DNAAF9: variants seen among roughly 807,000 people sequenced by gnomAD.
DNAAF9 encodes dynein axonemal assembly factor 9, also known as shulin.
DNAAF9 carries 90 observed loss-of-function variants against 167.0 expected under a neutral mutation model. The observed-to-expected ratio is 0.54, with a 90% CI of 0.45 to 0.64. The LOEUF (loss-of-function observed/expected upper bound fraction) is 0.64, where lower values mean the gene tolerates loss of function less well. Among genes scored for constraint, DNAAF9 ranks in the 30% least tolerant of loss-of-function variants. The pLI is 0.00. For synonymous variants in DNAAF9, 491 were observed against 508.8 expected (o/e 0.96, Z 0.47); for missense variants, 1,315 against 1,442.2 (o/e 0.91, Z 1.43).
At chr20:3,310,388 A>AGAAT (rs1555790642) in intron 20 of DNAAF9, among the ~76,000 whole-genome samples, 56 of 151,224 alleles carry the variant, frequency 3.7e-4, no homozygotes, top group African/African-American at 1.0e-3. Flanking sequence ...AAAGAAAGAA[A>AGAAT]GAATTCCTAA....
intron 6 of DNAAF9, among the ~76,000 whole-genome samples, chr20:3,372,844 A>C (rs2083529224): frequency 6.6e-6 from 1 of 152,214 alleles, no homozygotes; most frequent in Non-Finnish European, 1.5e-5. Flanking sequence ...AATTCACATA[A>C]AGTGCTTAGA....
At chr20:3,381,308 C>T in intron 3 of DNAAF9, 71 bp downstream of exon 3, 1 of 1,239,730 alleles carries the variant, frequency 8.1e-7, no homozygotes, top group South Asian at 1.6e-5. Context: ...ATAAGAAGAC[C>T]ATAAAATAAG....
intron 25 of DNAAF9, among the ~76,000 whole-genome samples, chr20:3,290,980 G>A (rs1393358359): frequency 6.6e-6 from 1 of 152,034 alleles, no homozygotes; most frequent in African/African-American, 2.4e-5. Flanking sequence ...GTAGACACGG[G>A]GTTTCACCAT....
intron 33 of DNAAF9, among the ~76,000 whole-genome samples, chr20:3,256,444 C>G (rs1474922674): frequency 1.3e-5 from 2 of 152,108 alleles, no homozygotes; most frequent in Non-Finnish European, 2.9e-5. Context: ...CCCAGGAATT[C>G]AAGGCTGCAG....
intron 1 of DNAAF9, among the ~76,000 whole-genome samples, chr20:3,400,813 T>A (rs971459726): frequency 6.6e-5 from 10 of 151,966 alleles, no homozygotes; most frequent in Admixed American, 5.9e-4. Flanking sequence ...TAAATAAGAG[T>A]CCTCAGTATA....
intron 8 of DNAAF9, among the ~76,000 whole-genome samples, chr20:3,344,638 C>A (rs1027664573): frequency 1.5e-5 from 2 of 132,794 alleles, no homozygotes; most frequent in Non-Finnish European, 3.2e-5. Flanking sequence ...CACACACACA[C>A]ACCTCATGTA....
Position 3,252,497 on chromosome 20 carries a change from A to G in DNAAF9, c.*75T>C. 1 of 832,924 alleles carries G rather than the reference A, an allele frequency of 1.2e-6. No homozygotes were observed. The highest frequency in any genetic ancestry group is 2.1e-6 in the Non-Finnish European group (1 of 476,350). The allele number at this position is 832,924 out of a possible 1,614,324, so 51.6% of individuals were successfully genotyped here. A position where few individuals can be genotyped will look rare whatever the true frequency, so the allele number is the denominator to read the frequency against. On this transcript the variant is annotated 3_prime_UTR_variant, in exon 37 of 37. Coordinates refer to ENST00000252032, the MANE Select transcript of DNAAF9 (RefSeq NM_001009984.3). ...GCCCCTTAAGGGAGAGGCCTCCAGC[A>G]GAGCTGAGGTTAAGACACCCGTTCG...
At chr20:3,336,000 G>A (rs2069933685) in intron 10 of DNAAF9, among the ~76,000 whole-genome samples, 2 of 152,010 alleles carry the variant, frequency 1.3e-5, no homozygotes, top group African/African-American at 4.8e-5. Flanking sequence ...GTGCGCACTT[G>A]TAGTCCCAGC....
chr20:3,264,305 GTGC>G (rs1305948088), intron 31 of DNAAF9, 130 bp downstream of exon 31: 16 of 619,414 alleles, frequency 2.6e-5, no homozygotes, highest in Non-Finnish European at 4.7e-5. Flanking sequence ...CAGGCAGGCC[GTGC>G]CAGCTGCCAT....
intron 21 of DNAAF9, 95 bp downstream of exon 21, chr20:3,304,345 T>C (rs2122985986): frequency 1.4e-6 from 1 of 732,960 alleles, no homozygotes; most frequent in Non-Finnish European, 2.5e-6. Context: ...TACTGCCCTG[T>C]GGTAGTGGAG....
chr20:3,374,216 T>C, intron 5 of DNAAF9, 62 bp from the exon 6 acceptor site: 1 of 1,127,262 alleles, frequency 8.9e-7, no homozygotes, highest in Non-Finnish European at 1.3e-6. Flanking sequence ...AGTCTAAACC[T>C]GACCTAACAT....
chr20:3,315,080 TCTC>T lies in DNAAF9; in HGVS notation c.1628_1630del (p.Gly543del), dbSNP rs1568599283. On this transcript the variant is annotated inframe_deletion, in exon 20 of 37. Transcript: ENST00000252032. The surrounding 1 kb of genome is among the most constrained non-coding windows in gnomAD (Gnocchi z 4.1). ...ATTGCTGGAATAAAGATATGCTCCTTCTCCTCCTGTTAGATAAGTGCCCAGGAA... is the reference window on the plus strand; with the variant it reads ...ATTGCTGGAATAAAGATATGCTCCTTCTCCTGTTAGATAAGTGCCCAGGAA... 6.2e-7 allele frequency: 1 copy of T among 1,611,890 alleles called. No individual in the cohort carries two copies. The highest frequency in any genetic ancestry group is 8.5e-7 in the Non-Finnish European group (1 of 1,177,990).
Position 3,251,171 on chromosome 20 carries a change from G to A in DNAAF9, c.*1401C>T, listed in dbSNP as rs966661631. ...TTTTTTTTTTCTAATATATTTTACT[G>A]ACAAGCCCTTGAGAGCTGCTTTGCT... is the stretch of plus-strand genomic sequence containing the variant. On this transcript the variant is annotated 3_prime_UTR_variant, in exon 37 of 37. Coordinates refer to ENST00000252032, the MANE Select transcript of DNAAF9 (RefSeq NM_001009984.3). 7.0e-6 allele frequency: 1 copy of A among 143,462 alleles called. No individual in the cohort carries two copies. Among genetic ancestry groups the A allele is most frequent in the African/African-American group, 2.6e-5 (1 of 38,396 alleles). The allele number at this position is 143,462 out of a possible 1,614,324, so 8.9% of individuals were successfully genotyped here.
chr20:3,392,380 A>T (rs2083839040), intron 1 of DNAAF9, among the ~76,000 whole-genome samples: 1 of 152,212 alleles, frequency 6.6e-6, no homozygotes, highest in Non-Finnish European at 1.5e-5. Flanking sequence ...CCTTGGATTC[A>T]GACTCAGAAT....
chr20:3,351,896 G>A (rs750412964), intron 7 of DNAAF9, among the ~76,000 whole-genome samples: 9 of 151,672 alleles, frequency 5.9e-5, no homozygotes, highest in Non-Finnish European at 1.0e-4. Flanking sequence ...TCACCCAGGC[G>A]TGATCTCAGT....
rs1472756060 is a variant in DNAAF9 at position 3,380,010 on chromosome 20, C to G, written c.283+1369G>C. Among the ~76,000 whole-genome samples the G allele has an allele frequency of 1.3e-5, 2 of 152,160 alleles. 1 individual carries two copies. Among genetic ancestry groups the G allele is most frequent in the Admixed American group, 1.3e-4 (2 of 15,286 alleles). On this transcript the variant is annotated intron_variant, in intron 3 of 36. Coordinates refer to ENST00000252032, the MANE Select transcript of DNAAF9 (RefSeq NM_001009984.3). ...GGTGGAGGATGCAGTGAGCCAAGAT[C>G]GCACAACTGCACTCCGGCCTGGGCA...
chr20:3,371,579 G>A (rs942113510), intron 6 of DNAAF9, among the ~76,000 whole-genome samples: 3 of 151,904 alleles, frequency 2.0e-5, no homozygotes, highest in Non-Finnish European at 4.4e-5. Context: ...TGCTGACCTC[G>A]TGATCCGCCC....
Position 3,358,434 on chromosome 20 carries a change from C to T in DNAAF9, c.690+1082G>A, listed in dbSNP as rs370431382. Among the ~76,000 whole-genome samples, 377 of 152,166 alleles carry T rather than the reference C, an allele frequency of 2.5e-3. 1 individual carries two copies. Among genetic ancestry groups the T allele is most frequent in the African/African-American group, 8.3e-3 (343 of 41,512 alleles). On this transcript the variant is annotated intron_variant, in intron 7 of 36. Coordinates refer to ENST00000252032, the MANE Select transcript of DNAAF9 (RefSeq NM_001009984.3). ...GAGTAGCTGGGATTACAGGCGCGTG[C>T]CATTGTGCCTGGCTAATTTTTGTAT...
intron 1 of DNAAF9, 92 bp downstream of exon 1, chr20:3,407,383 T>C: frequency 9.4e-7 from 1 of 1,067,910 alleles, no homozygotes; most frequent in Non-Finnish European, 1.2e-6. Flanking sequence ...GGAAGCCATG[T>C]CGGACCACGC....
Sources: allele counts gnomAD v4.1 joint callset (sites outside exome capture counted in the v4.1 genomes callset), GRCh38; gene constraint gnomAD v4.1.1; non-coding constraint Gnocchi (gnomAD v3.1); transcripts MANE v1.5; gene names NCBI Gene and HGNC (gene_info 2026-07-23, HGNC 2026-07-21).